USP20: variants seen among roughly 807,000 people sequenced by gnomAD.
USP20 encodes ubiquitin specific peptidase 20.
In USP20, 80 loss-of-function variants were observed where a neutral mutation model predicts 124.2. That is an observed-to-expected ratio of 0.64 (90% CI 0.54 to 0.78). The LOEUF is 0.78. Ranked by LOEUF, USP20 falls within the 30% of genes least tolerant of loss-of-function variation. The pLI is 0.00. For synonymous variants in USP20, 481 were observed against 512.3 expected, an observed-to-expected ratio of 0.94 and a Z score of 0.83; for missense variants, 1,043 against 1,244.4, an observed-to-expected ratio of 0.84 and a Z score of 2.44.
Position 129,865,364 on chromosome 9 carries a change from C to T in USP20, c.673C>T (p.Arg225Ter). The change falls in exon 10 of 26, where the codon CGA becomes TGA. Residue 225 changes from arginine to a stop codon, truncating the protein, a stop_gained. Transcript: ENST00000372429. LOFTEE classifies it high-confidence loss of function. Reference protein sequence around the residue: ...HGIKLVNPMFRGYAQQDTQEF... With the variant: ...HGIKLVNPMF ...GATCAAGTTGGTCAACCCAATGTTC[C>T]GAGGCTATGCCCAGCAGGTAAGCCA... 4 of 1,614,162 alleles carry T rather than the reference C, an allele frequency of 2.5e-6. No homozygotes were observed. The highest frequency in any genetic ancestry group is 3.4e-6 in the Non-Finnish European group (4 of 1,180,010).
chr9:129,859,600 A>G lies in USP20; in HGVS notation c.330+1002A>G, dbSNP rs549410020. On this transcript the variant is annotated intron_variant, in intron 6 of 25. Transcript: ENST00000372429. ...CTCCTTCTGTTTAGACAGTCACATG[A>G]TAGGGCTCAATATTGCTCAAAATGC... 4.6e-5 allele frequency among the ~76,000 whole-genome samples: 7 copies of G among 152,186 alleles called. No homozygotes were observed. The East Asian group carries it at 1.4e-3, about 30-fold the overall frequency.
intron 9 of USP20, 140 bp from the exon 10 acceptor site, chr9:129,865,163 C>T (rs1474310243): frequency 2.6e-6 from 2 of 770,604 alleles, no homozygotes; most frequent in Admixed American, 2.4e-5. Context: ...CCTCTTGGGG[C>T]TCCTGGCTGA....
chr9:129,875,305 C>A lies in USP20; in HGVS notation c.2049-5C>A. ...ACAGCTTCTCGCCCCCTCCTCACCC[C>A]ACAGGAAGAGCAGCGAGGAGGCCAT... On this transcript the variant is annotated splice_region_variant and splice_polypyrimidine_tract_variant and intron_variant, in intron 19 of 25. Coordinates refer to ENST00000372429, the MANE Select transcript of USP20 (RefSeq NM_001110303.4). The A allele has an allele frequency of 3.1e-6, 5 of 1,601,746 alleles. No homozygotes were observed. The highest frequency in any genetic ancestry group is 4.3e-6 in the Non-Finnish European group (5 of 1,173,272).
At chr9:129,844,486 C>T (rs1400585924) in intron 1 of USP20, among the ~76,000 whole-genome samples, 8 of 151,482 alleles carry the variant, frequency 5.3e-5, no homozygotes, top group South Asian at 2.1e-4. Context: ...ATTAGCCAGG[C>T]GTGGGAGTGT....
intron 14 of USP20, chr9:129,870,162 G>A: frequency 3.6e-6 from 2 of 562,190 alleles, no homozygotes; most frequent in Non-Finnish European, 6.4e-6. Context: ...TCCCAGGGCT[G>A]CCTCTCCTGC....
In USP20 at chr9:129,856,299, T is replaced by C. The variant is rs4836674; in HGVS notation, c.82-8T>C. The C allele has an allele frequency of 0.91, 1,465,151 of 1,613,728 alleles. 666,351 individuals carry two copies. Among genetic ancestry groups the C allele is most frequent in the East Asian group, 1 (44,754 of 44,866 alleles). On this transcript the variant is annotated splice_region_variant and splice_polypyrimidine_tract_variant and intron_variant, in intron 3 of 25. Transcript: ENST00000372429. ...CCTGCTCTTTTTCTCTCCTCTCAAC[T>C]CACACAGGGAACCTGTCAGTCGTGT...
chr9:129,841,698 G>A (rs148143483), intron 1 of USP20, among the ~76,000 whole-genome samples: 1 of 152,218 alleles, frequency 6.6e-6, no homozygotes, highest in African/African-American at 2.4e-5. Flanking sequence ...AGCGCAGGCT[G>A]CCCCAGGACA....
At chr9:129,869,241 G>A (rs2033991340) in intron 12 of USP20, 69 bp from the exon 13 acceptor site, 1 of 1,496,444 alleles carries the variant, frequency 6.7e-7, no homozygotes, top group African/African-American at 1.4e-5. Context: ...GTCAAAGGAA[G>A]CCGCAGGGCC....
At chr9:129,869,916 C>A in intron 14 of USP20, 72 bp downstream of exon 14, 1 of 1,558,952 alleles carries the variant, frequency 6.4e-7, no homozygotes, top group Non-Finnish European at 8.7e-7. Context: ...GGAGACAGTA[C>A]ACAGTGAAGT....
chr9:129,873,642 T>TCCCTGGC, intron 16 of USP20, 57 bp from the exon 17 acceptor site: 1 of 1,613,760 alleles, frequency 6.2e-7, no homozygotes. Flanking sequence ...GAGGGCTGCT[T>TCCCTGGC]CCCTGGCCCC....
At position 129,878,471 on chromosome 9, in the gene USP20, G is replaced by A. The variant is rs140189815; in HGVS notation, c.2512+31G>A. On this transcript the variant is annotated intron_variant, in intron 23 of 25. Transcript: ENST00000372429. The stretch of plus-strand genomic sequence containing the variant: ...CTGAGGGGGGACCTGGCACTTACCT[G>A]CCCTGGGGGCCTCCTGGGAGATGGG... 1,985 of 1,541,340 alleles carry A rather than the reference G, an allele frequency of 1.3e-3. 29 individuals are homozygous for A. In the African/African-American group the frequency reaches 0.024, roughly 19 times the overall value.
chr9:129,859,637 A>G (rs532107787), intron 6 of USP20, among the ~76,000 whole-genome samples: 216 of 152,274 alleles, frequency 1.4e-3, no homozygotes, highest in African/African-American at 4.8e-3. Context: ...TATTGAATGC[A>G]TTTGTGAACT....
Position 129,852,271 on chromosome 9 carries a change from A to G in USP20, c.-16-269A>G, listed in dbSNP as rs573610160. Among the ~76,000 whole-genome samples, 9 of 151,902 alleles carry G rather than the reference A, an allele frequency of 5.9e-5. No homozygotes were observed. In the East Asian group the frequency reaches 1.8e-3, roughly 30 times the overall value. ...AATAATTCTGATCACTACACCTGTC[A>G]CCTGCCATGGGCTTTCCCTACATCA... On this transcript the variant is annotated intron_variant, in intron 2 of 25. Transcript: ENST00000372429.
chr9:129,869,173 C>A, intron 12 of USP20, 137 bp from the exon 13 acceptor site: 2 of 1,314,110 alleles, frequency 1.5e-6, no homozygotes, highest in South Asian at 1.3e-5. Flanking sequence ...GACACAGAGG[C>A]ATGAGATGGT....
Position 129,874,776 on chromosome 9 carries a change from C to T in USP20, c.1921+20C>T. On this transcript the variant is annotated intron_variant, in intron 18 of 25. Transcript: ENST00000372429. ...CAGGCAGTGAGTCATGTCCCCTCCC[C>T]TGCCGTCCCCATCCGCTAGGATCCC... 1 of 1,613,754 alleles carries T rather than the reference C, an allele frequency of 6.2e-7. No individual in the cohort carries two copies. The highest frequency in any genetic ancestry group is 8.5e-7 in the Non-Finnish European group (1 of 1,179,934).
chr9:129,858,392 C>T lies in USP20; in HGVS notation c.199-75C>T, dbSNP rs41279144. Reference sequence around the variant, plus strand: ...GGCCTCTTACTGAGAGGCTGGGGAGCGGAGCAGCCATTACAGGTTGGGGCA... The same window carrying T: ...GGCCTCTTACTGAGAGGCTGGGGAGTGGAGCAGCCATTACAGGTTGGGGCA... On this transcript the variant is annotated intron_variant, in intron 5 of 25. Coordinates refer to ENST00000372429, the MANE Select transcript of USP20 (RefSeq NM_001110303.4). 1.2e-3 allele frequency: 1,919 copies of T among 1,594,326 alleles called. 28 individuals carry two copies. In the South Asian group the frequency reaches 0.019, roughly 16 times the overall value.
At chr9:129,861,182 C>T (rs1384941933) in intron 7 of USP20, 149 bp downstream of exon 7, 6 of 778,660 alleles carry the variant, frequency 7.7e-6, no homozygotes, top group Non-Finnish European at 1.0e-5. Context: ...AGCATGGTGG[C>T]TTCACCCCAG....
At chr9:129,850,018 TG>T (rs1246199789) in intron 2 of USP20, 94 bp downstream of exon 2, 1 of 145,774 alleles carries the variant, frequency 6.9e-6, no homozygotes. Flanking sequence ...ATTGTGATTA[TG>T]GGGTTTTTTT....
chr9:129,836,470 C>T lies in USP20; in HGVS notation c.-129+971C>T, dbSNP rs555245445. On this transcript the variant is annotated intron_variant, in intron 1 of 25. Coordinates refer to ENST00000372429, the MANE Select transcript of USP20 (RefSeq NM_001110303.4). The stretch of plus-strand genomic sequence containing the variant: ...GAATTGGTTGCAGGTCAGTCTCTGC[C>T]GCACGGTTTGCACAGGGCCTGGCAC... 1.2e-4 allele frequency among the ~76,000 whole-genome samples: 19 copies of T among 152,218 alleles called. 1 individual carries two copies. The South Asian group carries it at 3.7e-3, about 30-fold the overall frequency.
Sources: gnomAD v4.1 joint callset for allele counts (sites outside exome capture counted in the v4.1 genomes callset) on GRCh38, gnomAD v4.1.1 for gene constraint, MANE v1.5 for transcripts, NCBI Gene and HGNC (gene_info 2026-07-23, HGNC 2026-07-21) for gene names.